SREK1IP1: variants seen among roughly 807,000 people sequenced by gnomAD.
SREK1IP1 encodes SREK1 interacting protein 1.
Under a neutral mutation model 22.8 loss-of-function variants are expected in SREK1IP1, and 12 were observed. The observed-to-expected ratio is 0.53, with a 90% CI of 0.34 to 0.85. SREK1IP1 has a LOEUF of 0.85. Ranked by LOEUF, SREK1IP1 falls within the 40% of genes least tolerant of loss-of-function variation. The probability of loss-of-function intolerance (pLI) is 0.02; values close to 1 mark genes in which losing one functional copy is unlikely to be tolerated. For missense variants in SREK1IP1, 147 were observed against 171.8 expected, an observed-to-expected ratio of 0.86 and a Z score of 0.81; for synonymous variants, 53 against 52.7, an observed-to-expected ratio of 1.01 and a Z score of -0.02.
chr5:64,728,388 A>T (rs189316089), intron 3 of SREK1IP1, among the ~76,000 whole-genome samples: 1 of 152,308 alleles, frequency 6.6e-6, no homozygotes, highest in East Asian at 1.9e-4. Flanking sequence ...TCAAATACTA[A>T]GTCCATCAAG....
At chr5:64,741,853 T>C (rs760468148) in intron 2 of SREK1IP1, among the ~76,000 whole-genome samples, 1 of 152,114 alleles carries the variant, frequency 6.6e-6, no homozygotes. Context: ...ATACCTATCA[T>C]CCAAATGTTA....
At chr5:64,760,913 T>C (rs1194732042) in intron 1 of SREK1IP1, among the ~76,000 whole-genome samples, 1 of 152,202 alleles carries the variant, frequency 6.6e-6, no homozygotes, top group Non-Finnish European at 1.5e-5. Flanking sequence ...ATATACCTTT[T>C]GGCAGTTTTA....
intron 2 of SREK1IP1, among the ~76,000 whole-genome samples, chr5:64,747,890 G>A (rs1322329836): frequency 4.0e-5 from 6 of 151,672 alleles, no homozygotes; most frequent in Admixed American, 2.6e-4. Flanking sequence ...CCGAGATGGC[G>A]CCACTGCACT....
At position 64,728,131 on chromosome 5, in the gene SREK1IP1, A is replaced by G; in HGVS notation, c.254T>C (p.Ile85Thr). The part of the protein sequence containing the change: ...EKKKEKSKEK[I>T]KLKKKRKRSY... Reference sequence around the variant, plus strand: ...CCTTTTCCTTTTTTTTTTCAATTTGATTTTTTCTTTGCTTTTTTCTTTCTT... The same window carrying G: ...CCTTTTCCTTTTTTTTTTCAATTTGGTTTTTTCTTTGCTTTTTTCTTTCTT... Residue 85 changes from isoleucine (I) to threonine (T), a missense_variant, in exon 4 of 5, where the codon ATC becomes ACC. Coordinates refer to ENST00000513458, the MANE Select transcript of SREK1IP1 (RefSeq NM_173829.4). 7.1e-7 allele frequency: 1 copy of G among 1,408,032 alleles called. No individual in the cohort carries two copies. The allele number at this position is 1,408,032 out of a possible 1,614,324, so 87.2% of individuals were successfully genotyped here.
chr5:64,725,628 C>T (rs909089948), intron 4 of SREK1IP1, among the ~76,000 whole-genome samples: 1 of 152,004 alleles, frequency 6.6e-6, no homozygotes, highest in Non-Finnish European at 1.5e-5. Flanking sequence ...TGTTGTGTTC[C>T]TTTTTCCTCC....
Position 64,718,285 on chromosome 5 carries a change from A to C in SREK1IP1, c.*6099T>G, listed in dbSNP as rs1742090621. 1 of 307,292 alleles carries C rather than the reference A, an allele frequency of 3.3e-6. No individual in the cohort carries two copies. The highest frequency in any genetic ancestry group is 5.9e-6 in the Non-Finnish European group (1 of 169,866). The allele number at this position is 307,292 out of a possible 1,614,324, so 19.0% of individuals were successfully genotyped here. ...TTATTCAGGAGAAATTAAATAATTT[A>C]TCAATAACAAGATAAGCAGTCCTAT... On this transcript the variant is annotated 3_prime_UTR_variant, in exon 5 of 5. Transcript: ENST00000513458.
In SREK1IP1 at chr5:64,756,688, C is replaced by T. The variant is rs968559356; in HGVS notation, c.14-2326G>A. Among the ~76,000 whole-genome samples the T allele has an allele frequency of 5.9e-5, 9 of 151,480 alleles. No individual in the cohort carries two copies. In the South Asian group the frequency reaches 1.0e-3, roughly 18 times the overall value. ...TCACCCATGCTGGAGTGCAGTGGTGCGTATCTCGGCTCACTGCCAGCTCTG... is the reference window on the plus strand; with the variant it reads ...TCACCCATGCTGGAGTGCAGTGGTGTGTATCTCGGCTCACTGCCAGCTCTG... On this transcript the variant is annotated intron_variant, in intron 1 of 4. Transcript: ENST00000513458.
intron 1 of SREK1IP1, among the ~76,000 whole-genome samples, chr5:64,760,474 G>A (rs1742930060): frequency 6.6e-6 from 1 of 152,158 alleles, no homozygotes; most frequent in African/African-American, 2.4e-5. Flanking sequence ...GTAAAATAGT[G>A]GGCCTTAATA....
chr5:64,752,222 G>C (rs1484783566), intron 2 of SREK1IP1, among the ~76,000 whole-genome samples: 1 of 137,680 alleles, frequency 7.3e-6, no homozygotes, highest in African/African-American at 2.8e-5. Context: ...CGCAATCTCG[G>C]CTCACTGCAA....
chr5:64,751,440 T>A (rs529260455), intron 2 of SREK1IP1, among the ~76,000 whole-genome samples: 149 of 152,346 alleles, frequency 9.8e-4, no homozygotes, highest in Non-Finnish European at 1.7e-3. Flanking sequence ...TGTAATTAAG[T>A]TGCTTTTAAA....
intron 3 of SREK1IP1, among the ~76,000 whole-genome samples, chr5:64,731,699 G>T (rs1742384218): frequency 6.6e-6 from 1 of 151,872 alleles, no homozygotes; most frequent in African/African-American, 2.4e-5. Context: ...AAAAATGTGA[G>T]TTATTAAAGA....
rs3756740 is a variant in SREK1IP1 at position 64,768,416 on chromosome 5, G to T, written c.13+89C>A. Reference sequence around the variant, plus strand: ...AAGGCCTCCGCCTAAATCCCCATGGGCGCTGCTCCGTACACGCCGCACCCT... The same window carrying T: ...AAGGCCTCCGCCTAAATCCCCATGGTCGCTGCTCCGTACACGCCGCACCCT... On this transcript the variant is annotated intron_variant, in intron 1 of 4. Transcript: ENST00000513458. 0.014 allele frequency: 21,450 copies of T among 1,566,402 alleles called. 914 individuals are homozygous for T. The African/African-American group carries it at 0.15, about 11-fold the overall frequency.
intron 1 of SREK1IP1, among the ~76,000 whole-genome samples, chr5:64,757,859 A>AACTT (rs1742870129): frequency 1.1e-5 from 1 of 91,396 alleles, no homozygotes; most frequent in Non-Finnish European, 2.2e-5. Flanking sequence ...TTAGGTTCCT[A>AACTT]TCTTTTTTTT....
intron 4 of SREK1IP1, chr5:64,727,544 T>C (rs1742293661): frequency 8.0e-6 from 1 of 125,650 alleles, no homozygotes; most frequent in South Asian, 2.2e-4. Context: ...TATATATATA[T>C]ATATATATAT....
chr5:64,726,433 G>A (rs548537515), intron 4 of SREK1IP1, among the ~76,000 whole-genome samples: 2 of 151,852 alleles, frequency 1.3e-5, no homozygotes, highest in East Asian at 3.9e-4. Flanking sequence ...AAAATTAGTC[G>A]GGCATGGTGG....
At chr5:64,735,966 A>G (rs1054036922) in intron 3 of SREK1IP1, among the ~76,000 whole-genome samples, 1 of 151,890 alleles carries the variant, frequency 6.6e-6, no homozygotes, top group Non-Finnish European at 1.5e-5. Context: ...GATTTGAGAC[A>G]TTTCTTCTTT....
intron 3 of SREK1IP1, among the ~76,000 whole-genome samples, chr5:64,732,212 T>C (rs1185675746): frequency 6.6e-6 from 1 of 152,004 alleles, no homozygotes; most frequent in Non-Finnish European, 1.5e-5. Context: ...CTGGGAGAGA[T>C]TCTATACTAT....
chr5:64,723,373 C>T lies in SREK1IP1; in HGVS notation c.*1011G>A, dbSNP rs1055694557. On this transcript the variant is annotated 3_prime_UTR_variant, in exon 5 of 5. Coordinates refer to ENST00000513458, the MANE Select transcript of SREK1IP1 (RefSeq NM_173829.4). ...ATCCCAAACTGGTCATTTATGAAAA[C>T]GTTAAGTTCAGTGTGAAACTTGCTT... 17 of 151,974 alleles carry T rather than the reference C, an allele frequency of 1.1e-4. No homozygotes were observed. The highest frequency in any genetic ancestry group is 3.1e-4 in the African/African-American group (13 of 41,332). 9.4% of individuals were successfully genotyped at this position (151,974 alleles called of 1,614,324 possible). A position where few individuals can be genotyped will look rare whatever the true frequency, so the allele number is the denominator to read the frequency against.
At chr5:64,737,936 C>A (rs1742493103) in intron 3 of SREK1IP1, among the ~76,000 whole-genome samples, 1 of 152,102 alleles carries the variant, frequency 6.6e-6, no homozygotes, top group Non-Finnish European at 1.5e-5. Context: ...GGTCAGTAAT[C>A]CTCCCAGCAG....
Sources: gnomAD v4.1 joint callset for allele counts (sites outside exome capture counted in the v4.1 genomes callset) on GRCh38, gnomAD v4.1.1 for gene constraint, MANE v1.5 for transcripts, NCBI Gene and HGNC (gene_info 2026-07-23, HGNC 2026-07-21) for gene names.